TBC1D10A: variants seen among roughly 807,000 people sequenced by gnomAD.
TBC1D10A encodes EBP50-PDX interactor of 64 kDa.
A neutral mutation model predicts 52.9 loss-of-function variants in TBC1D10A; 24 were observed. The ratio of observed to expected loss-of-function variants is 0.45; its 90% confidence interval spans 0.33 to 0.64. TBC1D10A has a LOEUF of 0.64. TBC1D10A is among the 30% of genes least tolerant of loss of function. TBC1D10A has a pLI of 0.02. For synonymous variants in TBC1D10A, 278 were observed against 282.9 expected, an observed-to-expected ratio of 0.98 and a Z score of 0.17; for missense variants, 602 against 687.9, an observed-to-expected ratio of 0.88 and a Z score of 1.40.
intron 1 of TBC1D10A, 148 bp downstream of exon 1, chr22:30,326,525 G>A: frequency 2.7e-6 from 2 of 751,538 alleles, no homozygotes; most frequent in Non-Finnish European, 4.0e-6. Flanking sequence ...GAAGGCAGGG[G>A]TGGTGGGGGT....
chr22:30,314,421 C>T (rs1223300992), intron 1 of TBC1D10A, among the ~76,000 whole-genome samples: 2 of 152,222 alleles, frequency 1.3e-5, no homozygotes, highest in Non-Finnish European at 2.9e-5. Context: ...AAAGCCTCGT[C>T]CACCATACAG....
chr22:30,306,718 C>T (rs1407692899), intron 1 of TBC1D10A, among the ~76,000 whole-genome samples: 1 of 152,124 alleles, frequency 6.6e-6, no homozygotes, highest in African/African-American at 2.4e-5. Flanking sequence ...GCAATATGGC[C>T]ATCTGAATGG....
rs891653537 is a variant in TBC1D10A at position 30,292,442 on chromosome 22, T to C, written c.1460A>G (p.Gln487Arg). The change falls in exon 9 of 9, where the codon CAG becomes CGG. Residue 487 changes from glutamine to arginine, a missense_variant. Around this residue, in one of 3 missense-constraint regions of TBC1D10A, gnomAD observed 265 missense variants for 275.1 expected, o/e 0.96. Coordinates refer to ENST00000215790, the MANE Select transcript of TBC1D10A (RefSeq NM_031937.3). ...CTGGGAGCGGTGGTGGGCTGAGACC[T>C]GGGGAGCCAAATCCTGAGGGGCTGA... ...KDSAPQDLAP[Q>R]VSAHHRSQES... 6.2e-7 allele frequency: 1 copy of C among 1,600,928 alleles called. No individual in the cohort carries two copies. The highest frequency in any genetic ancestry group is 1.7e-5 in the Admixed American group (1 of 59,036).
intron 1 of TBC1D10A, among the ~76,000 whole-genome samples, chr22:30,305,810 G>T (rs1427809908): frequency 6.6e-6 from 1 of 152,178 alleles, no homozygotes; most frequent in East Asian, 1.9e-4. Context: ...GAAGTGCCCA[G>T]GCCTGAGAGT....
intron 3 of TBC1D10A, chr22:30,296,098 G>GC: frequency 1.4e-5 from 7 of 489,346 alleles, no homozygotes; most frequent in South Asian, 7.2e-5. Flanking sequence ...GAGGGCAAGA[G>GC]TGTCCACTCC....
chr22:30,310,652 T>C (rs1930406170), intron 1 of TBC1D10A, among the ~76,000 whole-genome samples: 1 of 152,140 alleles, frequency 6.6e-6, no homozygotes, highest in African/African-American at 2.4e-5. Context: ...GCGCTGGCCG[T>C]GTACTAGCTC....
Position 30,292,354 on chromosome 22 carries a change from T to C in TBC1D10A, c.*21A>G. The C allele has an allele frequency of 6.6e-7, 1 of 1,521,646 alleles. No individual in the cohort carries two copies. Among genetic ancestry groups the C allele is most frequent in the Non-Finnish European group, 8.8e-7 (1 of 1,134,022 alleles). 94.3% of individuals were successfully genotyped at this position (1,521,646 alleles called of 1,614,324 possible). Reference sequence around the variant, plus strand: ...GTGTAGTTATATGGAGACCCCGCCCTGGAGGCCTTAGCTGCCAGGGTTACA... The same window carrying C: ...GTGTAGTTATATGGAGACCCCGCCCCGGAGGCCTTAGCTGCCAGGGTTACA... On this transcript the variant is annotated 3_prime_UTR_variant, in exon 9 of 9. Coordinates refer to ENST00000215790, the MANE Select transcript of TBC1D10A (RefSeq NM_031937.3).
At chr22:30,293,037 C>T in intron 8 of TBC1D10A, 186 bp from the exon 9 acceptor site, 1 of 665,904 alleles carries the variant, frequency 1.5e-6, no homozygotes, top group Non-Finnish European at 2.6e-6. Flanking sequence ...GCCAGGTGAG[C>T]TGGACACTTG....
chr22:30,315,542 C>G (rs1426413014), intron 1 of TBC1D10A, among the ~76,000 whole-genome samples: 1 of 152,168 alleles, frequency 6.6e-6, no homozygotes, highest in African/African-American at 2.4e-5. Flanking sequence ...GGATTATAGG[C>G]ATGAGCCACA....
chr22:30,293,137 C>T (rs1354117803), intron 8 of TBC1D10A: 11 of 631,940 alleles, frequency 1.7e-5, no homozygotes, highest in Non-Finnish European at 3.2e-5. Context: ...CCCAGACAGA[C>T]AAAAACCTGC....
chr22:30,302,936 CAG>C (rs1377791106), intron 2 of TBC1D10A, among the ~76,000 whole-genome samples: 1 of 152,214 alleles, frequency 6.6e-6, no homozygotes, highest in Non-Finnish European at 1.5e-5. Context: ...GAAACAGAGC[CAG>C]AGTCAGGCAG....
chr22:30,322,279 C>G (rs1032312109), intron 1 of TBC1D10A, among the ~76,000 whole-genome samples: 1 of 152,240 alleles, frequency 6.6e-6, no homozygotes, highest in East Asian at 1.9e-4. Flanking sequence ...CTGCACCCGG[C>G]CCTTCCTGGG....
chr22:30,305,050 T>A lies in TBC1D10A; in HGVS notation c.210-420A>T, dbSNP rs553641830. Among the ~76,000 whole-genome samples the A allele has an allele frequency of 3.3e-5, 5 of 152,298 alleles. No homozygotes were observed. The South Asian group carries it at 1.0e-3, about 32-fold the overall frequency. On this transcript the variant is annotated intron_variant, in intron 1 of 8. Coordinates refer to ENST00000215790, the MANE Select transcript of TBC1D10A (RefSeq NM_031937.3). ...TAGTCAAACGAGTACAGAAATAATA[T>A]GCTCACCTCTTTACTTGAGCCAAAC...
At chr22:30,314,601 G>A (rs1048292162) in intron 1 of TBC1D10A, among the ~76,000 whole-genome samples, 12 of 151,848 alleles carry the variant, frequency 7.9e-5, no homozygotes, top group African/African-American at 2.9e-4. Context: ...CTTGAGGCCA[G>A]GAGTTTGAGA....
rs192800441 is a variant in TBC1D10A at position 30,312,029 on chromosome 22, G to C, written c.210-7399C>G. On this transcript the variant is annotated intron_variant, in intron 1 of 8. Transcript: ENST00000215790. ...GCTAGTCTCAAACTCCTGGGCTCAAGTGATCTGCCTGCATCAGCCTCCCAA... is the reference window on the plus strand; with the variant it reads ...GCTAGTCTCAAACTCCTGGGCTCAACTGATCTGCCTGCATCAGCCTCCCAA... Among the ~76,000 whole-genome samples, 9 of 152,320 alleles carry C rather than the reference G, an allele frequency of 5.9e-5. No individual in the cohort carries two copies. The East Asian group carries it at 1.7e-3, about 29-fold the overall frequency.
intron 1 of TBC1D10A, among the ~76,000 whole-genome samples, chr22:30,307,447 C>T (rs1279325813): frequency 6.6e-6 from 1 of 152,196 alleles, no homozygotes; most frequent in Non-Finnish European, 1.5e-5. Context: ...GTTTCCACTG[C>T]TAAAGCTTTC....
At chr22:30,326,429 T>G (rs978916582) in intron 1 of TBC1D10A, among the ~76,000 whole-genome samples, 1 of 150,472 alleles carries the variant, frequency 6.6e-6, no homozygotes, top group Non-Finnish European at 1.5e-5. Context: ...CGGGTCAGTC[T>G]GTCCGGAGGG....
chr22:30,313,357 G>A (rs1173269768), intron 1 of TBC1D10A, among the ~76,000 whole-genome samples: 9 of 67,254 alleles, frequency 1.3e-4, no homozygotes, highest in Non-Finnish European at 1.7e-4. Context: ...GTGTGTGTGT[G>A]TGTGTGTGTG....
intron 1 of TBC1D10A, 43 bp from the exon 2 acceptor site, chr22:30,304,673 G>A: frequency 6.2e-7 from 1 of 1,604,276 alleles, no homozygotes. Context: ...GCCAAGGGAA[G>A]CAAAGGCCCT....
Sources: allele counts gnomAD v4.1 joint callset (sites outside exome capture counted in the v4.1 genomes callset), GRCh38; gene constraint gnomAD v4.1.1; regional missense constraint gnomAD v4.1.1; transcripts MANE v1.5; gene names NCBI Gene and HGNC (gene_info 2026-07-23, HGNC 2026-07-21).